Variants in TC2N observed in about 807,000 individuals in gnomAD.
TC2N encodes tandem C2 domains, nuclear, also known as tandem C2 domains nuclear protein.
Under a neutral mutation model 61.9 loss-of-function variants are expected in TC2N, and 51 were observed. The ratio of observed to expected loss-of-function variants is 0.82; its 90% CI spans 0.66 to 1.04. The LOEUF is 1.04. Ranked by LOEUF, TC2N falls within the 50% of genes least tolerant of loss-of-function variation. The pLI is 0.00. For synonymous variants in TC2N, 204 were observed against 192.6 expected (o/e 1.06, Z -0.49); for missense variants, 556 against 566.7 (o/e 0.98, Z 0.19).
intron 2 of TC2N, among the ~76,000 whole-genome samples, chr14:91,812,942 C>T (rs897766842): frequency 6.6e-6 from 1 of 151,730 alleles, no homozygotes; most frequent in African/African-American, 2.4e-5. Context: ...GCTTCTATGA[C>T]CCATTTTATT....
intron 1 of TC2N, among the ~76,000 whole-genome samples, chr14:91,861,324 T>C (rs1327931384): frequency 6.6e-6 from 1 of 152,202 alleles, no homozygotes; most frequent in Non-Finnish European, 1.5e-5. Flanking sequence ...AACAAAAAGC[T>C]ATGGCTTTGC....
intron 1 of TC2N, among the ~76,000 whole-genome samples, chr14:91,815,772 T>C (rs546604542): frequency 6.6e-6 from 1 of 151,794 alleles, no homozygotes; most frequent in African/African-American, 2.4e-5. Context: ...ACATAAATAA[T>C]GATCTCCAAA....
chr14:91,787,142 T>TA (rs1885405233), intron 10 of TC2N, among the ~76,000 whole-genome samples: 1 of 152,118 alleles, frequency 6.6e-6, no homozygotes, highest in Non-Finnish European at 1.5e-5. Flanking sequence ...GATATATATA[T>TA]TTTTTACAAT....
At chr14:91,852,820 C>CTCA (rs1029547385) in intron 1 of TC2N, among the ~76,000 whole-genome samples, 6 of 152,172 alleles carry the variant, frequency 3.9e-5, no homozygotes, top group African/African-American at 1.2e-4. Context: ...CGCCTGGAAT[C>CTCA]TCAGCACTTT....
intron 6 of TC2N, among the ~76,000 whole-genome samples, chr14:91,798,616 TTAACC>T (rs775678014): frequency 3.7e-4 from 56 of 151,976 alleles, no homozygotes; most frequent in Non-Finnish European, 7.5e-4. Flanking sequence ...TTTTAAAAAC[TTAACC>T]TAATTGCAGT....
chr14:91,804,396 G>C (rs539473886), intron 3 of TC2N, among the ~76,000 whole-genome samples: 2 of 152,056 alleles, frequency 1.3e-5, no homozygotes, highest in South Asian at 2.1e-4. Context: ...AAGAATGTTC[G>C]TAAGTATTAT....
intron 1 of TC2N, among the ~76,000 whole-genome samples, chr14:91,862,418 G>T (rs1225274271): frequency 6.6e-6 from 1 of 152,122 alleles, no homozygotes; most frequent in South Asian, 2.1e-4. Flanking sequence ...AAGAGGAAGA[G>T]AAAGAGAATC....
At chr14:91,843,255 A>C (rs1244573617) in intron 1 of TC2N, among the ~76,000 whole-genome samples, 1 of 151,944 alleles carries the variant, frequency 6.6e-6, no homozygotes. Context: ...TTTTGGGAAT[A>C]TTTGTTACAT....
chr14:91,800,941 GAT>G (rs544510219), intron 4 of TC2N, among the ~76,000 whole-genome samples: 34 of 101,570 alleles, frequency 3.3e-4, no homozygotes, highest in Middle Eastern at 5.1e-3. Context: ...GGTTGAGAGA[GAT>G]ATATATATAT....
At chr14:91,860,785 G>C (rs142891568) in intron 1 of TC2N, among the ~76,000 whole-genome samples, 385 of 152,328 alleles carry the variant, frequency 2.5e-3, no homozygotes, top group African/African-American at 8.8e-3. Context: ...GGGTTGCAGA[G>C]ATACAGGTTG....
chr14:91,855,119 G>T (rs1331749318), intron 1 of TC2N, among the ~76,000 whole-genome samples: 2 of 152,148 alleles, frequency 1.3e-5, no homozygotes, highest in Non-Finnish European at 2.9e-5. Flanking sequence ...AAGGAAGGAT[G>T]GGTGGTTGAA....
At chr14:91,847,131 G>A (rs566131691) in intron 1 of TC2N, among the ~76,000 whole-genome samples, 19 of 152,136 alleles carry the variant, frequency 1.2e-4, no homozygotes, top group Admixed American at 3.3e-4. Flanking sequence ...TGTGGTGGGC[G>A]CCTATAATCC....
chr14:91,786,554 A>G (rs1266442778), intron 10 of TC2N, among the ~76,000 whole-genome samples: 2 of 152,060 alleles, frequency 1.3e-5, no homozygotes, highest in Non-Finnish European at 2.9e-5. Flanking sequence ...TTATTCTTTT[A>G]TTCGGATTTT....
rs1157633956 is a variant in TC2N, at chr14:91,797,776, GC to G, written c.855+8del. 4 of 1,470,630 alleles carry G rather than the reference GC, an allele frequency of 2.7e-6. No homozygotes were observed. The highest frequency in any genetic ancestry group is 3.7e-6 in the Non-Finnish European group (4 of 1,069,818). 91.1% of individuals were successfully genotyped at this position (1,470,630 alleles called of 1,614,324 possible). A position where few individuals can be genotyped will look rare whatever the true frequency, so the allele number is the denominator to read the frequency against. On this transcript the variant is annotated splice_region_variant and intron_variant, in intron 8 of 11. Coordinates refer to ENST00000435962, the MANE Select transcript of TC2N (RefSeq NM_001128596.3). ...CAGAAAAGAAATTCAAATACAAACAGCCACTTACGTTGGAACCTTCCTTGGC... is the reference window on the plus strand; with the variant it reads ...CAGAAAAGAAATTCAAATACAAACAGCACTTACGTTGGAACCTTCCTTGGC...
At chr14:91,797,344 G>A (rs1019992868) in intron 8 of TC2N, among the ~76,000 whole-genome samples, 3 of 151,854 alleles carry the variant, frequency 2.0e-5, no homozygotes, top group African/African-American at 2.4e-5. Flanking sequence ...CAGAAATGAA[G>A]ATGTATTTAA....
intron 1 of TC2N, among the ~76,000 whole-genome samples, chr14:91,821,140 A>G (rs914240658): frequency 6.6e-6 from 1 of 152,016 alleles, no homozygotes; most frequent in Non-Finnish European, 1.5e-5. Flanking sequence ...TAAAACTCAT[A>G]TGGGAACGTA....
At chr14:91,843,681 G>A (rs905776406) in intron 1 of TC2N, among the ~76,000 whole-genome samples, 4 of 152,118 alleles carry the variant, frequency 2.6e-5, no homozygotes, top group East Asian at 1.9e-4. Flanking sequence ...GTTTTAGGAC[G>A]CCAAAGCTTT....
intron 3 of TC2N, among the ~76,000 whole-genome samples, chr14:91,807,091 T>A (rs557703775): frequency 6.6e-6 from 1 of 152,176 alleles, no homozygotes; most frequent in Non-Finnish European, 1.5e-5. Context: ...TGCAGGTGCA[T>A]AGAAGTCACA....
At chr14:91,835,332 G>A (rs1342942814) in intron 1 of TC2N, among the ~76,000 whole-genome samples, 2 of 152,164 alleles carry the variant, frequency 1.3e-5, no homozygotes, top group Admixed American at 6.5e-5. Context: ...CCATGCTGAA[G>A]TTACACATCA....
Sources: gnomAD v4.1 joint callset for allele counts (sites outside exome capture counted in the v4.1 genomes callset) on GRCh38, gnomAD v4.1.1 for gene constraint, MANE v1.5 for transcripts, NCBI Gene and HGNC (gene_info 2026-07-23, HGNC 2026-07-21) for gene names.